Variants in CCDC34 observed in about 807,000 individuals in gnomAD.
CCDC34 encodes coiled-coil domain-containing protein 34.
Under a neutral mutation model 44.1 loss-of-function variants are expected in CCDC34, and 40 were observed. That is an observed-to-expected ratio of 0.91 (90% CI 0.70 to 1.18). CCDC34 has a LOEUF of 1.18. Ranked by LOEUF, CCDC34 falls within the 50% of genes most tolerant of loss-of-function variation. CCDC34 has a pLI of 0.00. For missense variants in CCDC34, 466 were observed against 452.3 expected (o/e 1.03, Z -0.28); for synonymous variants, 159 against 158.2 (o/e 1.01, Z -0.04).
chr11:27,340,661 C>A (rs1315802065), intron 5 of CCDC34, 35 bp downstream of exon 5: 8 of 1,554,832 alleles, frequency 5.1e-6, no homozygotes, highest in Non-Finnish European at 6.9e-6. Context: ...TTCTGCAAAC[C>A]ATATTTATGT....
At chr11:27,357,805 C>G (rs1398185111) in intron 1 of CCDC34, among the ~76,000 whole-genome samples, 1 of 152,116 alleles carries the variant, frequency 6.6e-6, no homozygotes, top group East Asian at 1.9e-4. Context: ...TTGGGATAAC[C>G]CACACCCTAT....
At chr11:27,349,964 C>A in intron 3 of CCDC34, 1 of 1,103,214 alleles carries the variant, frequency 9.1e-7, no homozygotes, top group Non-Finnish European at 1.1e-6. Flanking sequence ...GAGAAGACAG[C>A]TGAATGAAAC....
rs754108582 is a variant in CCDC34, at chr11:27,350,434, T to G, written c.504A>C (p.Leu168Phe). ...DRLQLKALEE[L>F]NQQLEKRKEM... ...CTTTTCTTTTTTCTAGTTGTTGATT[T>G]AATTCCTGTGGATTTTATTTAGACA... Residue 168 changes from leucine to phenylalanine, a missense_variant, in exon 3 of 6, where the codon TTA (leucine) becomes TTC (phenylalanine). By Grantham distance (22) the Leu-to-Phe change is conservative. Coordinates refer to ENST00000328697, the MANE Select transcript of CCDC34 (RefSeq NM_030771.2). 44 of 1,597,610 alleles carry G rather than the reference T, an allele frequency of 2.8e-5. No homozygotes were observed. Among genetic ancestry groups the G allele is most frequent in the Non-Finnish European group, 3.8e-5 (44 of 1,170,100 alleles).
rs776913301 is a variant in CCDC34 at position 27,363,111 on chromosome 11, G to A, written c.84C>T (p.Pro28=). The change falls in exon 1 of 6, where the codon CCC becomes CCT. Residue 28 remains proline, a synonymous_variant. Coordinates refer to ENST00000328697, the MANE Select transcript of CCDC34 (RefSeq NM_030771.2). ...TAGGGACTGAGCAGGAGTCCGAGGA[G>A]GGCCGAGACCTGGGTCTGCAGTCAG... The part of the protein sequence containing the change: ...FSADCRPRSR[P]SSDSCSVPMT... 4 of 1,590,862 alleles carry A rather than the reference G, an allele frequency of 2.5e-6. No individual in the cohort carries two copies. The highest frequency in any genetic ancestry group is 3.4e-6 in the Non-Finnish European group (4 of 1,168,054).
At position 27,341,368 on chromosome 11, in the gene CCDC34, A is replaced by C. The variant is rs750793174; in HGVS notation, c.765+24T>G. On this transcript the variant is annotated intron_variant, in intron 4 of 5. Coordinates refer to ENST00000328697, the MANE Select transcript of CCDC34 (RefSeq NM_030771.2). ...TATGAACACCAAAGTTATGTATTCT[A>C]ACTGGTCACTTTAATAAAAATACCT... 12 of 1,399,236 alleles carry C rather than the reference A, an allele frequency of 8.6e-6. 1 individual carries two copies. The South Asian group carries it at 1.6e-4, about 18-fold the overall frequency. The allele number at this position is 1,399,236 out of a possible 1,614,324, so 86.7% of individuals were successfully genotyped here.
intron 3 of CCDC34, among the ~76,000 whole-genome samples, chr11:27,343,680 T>C (rs1341835104): frequency 3.3e-5 from 5 of 152,240 alleles, no homozygotes; most frequent in African/African-American, 1.2e-4. Context: ...TTACATTGTT[T>C]TTAATTATAG....
chr11:27,353,403 TA>T (rs1862531182), intron 2 of CCDC34, among the ~76,000 whole-genome samples: 1 of 150,984 alleles, frequency 6.6e-6, no homozygotes, highest in Admixed American at 6.6e-5. Flanking sequence ...TTAAAGCAAA[TA>T]TTAAGAATTA....
chr11:27,348,579 T>C (rs1261873316), intron 3 of CCDC34, among the ~76,000 whole-genome samples: 1 of 152,150 alleles, frequency 6.6e-6, no homozygotes, highest in East Asian at 1.9e-4. Context: ...TTGTGTCTGA[T>C]TTTTTGATAA....
chr11:27,349,714 T>G, intron 3 of CCDC34: 2 of 977,802 alleles, frequency 2.0e-6, no homozygotes, highest in Non-Finnish European at 2.4e-6. Flanking sequence ...AATGAACATC[T>G]TCACTCAATT....
chr11:27,341,597 C>T (rs1862360295), intron 3 of CCDC34, 47 bp from the exon 4 acceptor site: 1 of 874,190 alleles, frequency 1.1e-6, no homozygotes, highest in Non-Finnish European at 1.7e-6. Context: ...AGTAATTATA[C>T]TCATCTAAGG....
intron 2 of CCDC34, among the ~76,000 whole-genome samples, chr11:27,354,208 A>G (rs1358088896): frequency 1.3e-5 from 2 of 152,234 alleles, no homozygotes; most frequent in Non-Finnish European, 2.9e-5. Context: ...TTCAGAGTTG[A>G]GTAATAAAGT....
chr11:27,350,085 TAC>T (rs1353717423), intron 3 of CCDC34: 22 of 1,354,178 alleles, frequency 1.6e-5, no homozygotes, highest in Admixed American at 1.0e-4. Flanking sequence ...GGCCTAGAAA[TAC>T]AGACTTGGTG....
intron 5 of CCDC34, among the ~76,000 whole-genome samples, chr11:27,339,774 A>G (rs963351361): frequency 6.6e-6 from 1 of 152,244 alleles, no homozygotes; most frequent in South Asian, 2.1e-4. Flanking sequence ...GCTGTTTGTT[A>G]GAATTAAACT....
intron 3 of CCDC34, among the ~76,000 whole-genome samples, chr11:27,344,622 T>C (rs1360588590): frequency 1.3e-5 from 2 of 151,682 alleles, no homozygotes; most frequent in East Asian, 3.9e-4. Context: ...CTGAGAAATA[T>C]ATTTAACAAA....
chr11:27,343,263 G>A (rs150093965), intron 3 of CCDC34, among the ~76,000 whole-genome samples: 2,094 of 152,148 alleles, frequency 0.014, 47 homozygotes, highest in African/African-American at 0.048. Context: ...TTAGTTGGGC[G>A]TGGTGGCATA....
intron 2 of CCDC34, among the ~76,000 whole-genome samples, chr11:27,351,207 G>A (rs1199194397): frequency 2.0e-5 from 3 of 152,050 alleles, no homozygotes; most frequent in Admixed American, 6.6e-5. Context: ...TTTCTTCTCC[G>A]TCTTTAGATA....
chr11:27,362,689 T>C (rs1214249966), intron 1 of CCDC34, 147 bp downstream of exon 1: 2 of 788,900 alleles, frequency 2.5e-6, no homozygotes, highest in East Asian at 2.6e-5. Flanking sequence ...CAGGGCTCTT[T>C]ATGTGCAAAA....
intron 2 of CCDC34, among the ~76,000 whole-genome samples, chr11:27,356,040 CAG>C (rs1273623150): frequency 2.0e-5 from 1 of 48,832 alleles, no homozygotes; most frequent in African/African-American, 6.8e-5. Flanking sequence ...TTTTTTTAGA[CAG>C]AGTTTTGCTC....
intron 2 of CCDC34, 25 bp downstream of exon 2, chr11:27,357,378 T>C (rs1458864956): frequency 1.3e-6 from 2 of 1,594,534 alleles, no homozygotes; most frequent in African/African-American, 1.4e-5. Context: ...ACAGATTAAA[T>C]AAAAAGAACA....
Sources: gnomAD v4.1 joint callset for allele counts (sites outside exome capture counted in the v4.1 genomes callset) on GRCh38, gnomAD v4.1.1 for gene constraint, MANE v1.5 for transcripts, NCBI Gene and HGNC (gene_info 2026-07-23, HGNC 2026-07-21) for gene names.